RFX3: variants seen among roughly 807,000 people sequenced by gnomAD.
RFX3 encodes the protein transcription factor RFX3.
A neutral mutation model predicts 98.6 loss-of-function variants in RFX3; 14 were observed. The ratio of observed to expected loss-of-function variants is 0.14; its 90% CI spans 0.09 to 0.22. The LOEUF (loss-of-function observed/expected upper bound fraction) is 0.22, where lower values mean the gene tolerates loss of function less well. Among genes scored for constraint, RFX3 ranks in the 10% least tolerant of loss-of-function variants. The pLI is 1.00. For synonymous variants in RFX3, 383 were observed against 328.4 expected (o/e 1.17, Z -1.80); for missense variants, 639 against 926.9 (o/e 0.69, Z 4.03).
In RFX3 at chr9:3,458,070, A is replaced by T. The variant is rs1587736470; in HGVS notation, c.-8-62474T>A. Among the ~76,000 whole-genome samples the T allele has an allele frequency of 2.6e-5, 4 of 152,336 alleles. No individual in the cohort carries two copies. In the Middle Eastern group the frequency reaches 0.014, roughly 522 times the overall value. Reference sequence around the variant, plus strand: ...GAAGACTGGAAGTATCCTAGGGAACAGCATGTGCAAAGCCATGGCAATATA... The same window carrying T: ...GAAGACTGGAAGTATCCTAGGGAACTGCATGTGCAAAGCCATGGCAATATA... On this transcript the variant is annotated intron_variant, in intron 1 of 16. Coordinates refer to ENST00000617270, the MANE Select transcript of RFX3 (RefSeq NM_001282116.2).
rs775002514 is a variant in RFX3 at position 3,277,507 on chromosome 9, T to C, written c.852-46A>G. 13 of 1,564,762 alleles carry C rather than the reference T, an allele frequency of 8.3e-6. No homozygotes were observed. The South Asian group carries it at 1.3e-4, about 16-fold the overall frequency. On this transcript the variant is annotated intron_variant, in intron 7 of 16. Coordinates refer to ENST00000617270, the MANE Select transcript of RFX3 (RefSeq NM_001282116.2). ...AAAACAAATAAACCAAATTATTCCT[T>C]GCTTTTTTGTACTACCCGAAACTCC...
chr9:3,460,811 C>G (rs1847618203), intron 1 of RFX3, among the ~76,000 whole-genome samples: 1 of 151,526 alleles, frequency 6.6e-6, no homozygotes, highest in African/African-American at 2.4e-5. Flanking sequence ...ATACATGCTT[C>G]TATTTCTACA....
chr9:3,282,674 A>G (rs373524803), intron 7 of RFX3, among the ~76,000 whole-genome samples: 2 of 151,908 alleles, frequency 1.3e-5, no homozygotes, highest in East Asian at 3.9e-4. Flanking sequence ...GGTTAGCTGT[A>G]TAGAACTGAT....
At chr9:3,424,402 C>T (rs1212482020) in intron 1 of RFX3, among the ~76,000 whole-genome samples, 97 of 127,328 alleles carry the variant, frequency 7.6e-4, no homozygotes, top group Non-Finnish European at 1.2e-3. Context: ...CGCTCTGTCG[C>T]CCAGGCTGGA....
At chr9:3,417,838 A>T (rs997638814) in intron 1 of RFX3, among the ~76,000 whole-genome samples, 3 of 152,178 alleles carry the variant, frequency 2.0e-5, no homozygotes, top group African/African-American at 7.2e-5. Context: ...TCACATAAAA[A>T]ACAGTTCCGG....
At chr9:3,521,376 A>G (rs1290982242) in intron 1 of RFX3, among the ~76,000 whole-genome samples, 1 of 152,184 alleles carries the variant, frequency 6.6e-6, no homozygotes, top group Non-Finnish European at 1.5e-5. Context: ...TTAAGATAGT[A>G]TGTTAAACTC....
intron 15 of RFX3, among the ~76,000 whole-genome samples, chr9:3,230,185 C>A (rs1376712090): frequency 1.3e-5 from 2 of 152,120 alleles, no homozygotes; most frequent in Non-Finnish European, 2.9e-5. Flanking sequence ...GTCATTTCAC[C>A]TTTATTTCTT....
intron 6 of RFX3, 96 bp from the exon 7 acceptor site, chr9:3,288,346 G>A: frequency 9.7e-7 from 1 of 1,034,422 alleles, no homozygotes; most frequent in South Asian, 1.4e-5. Context: ...GGAAAAATTT[G>A]GTAAAAACAG....
At chr9:3,272,356 A>G (rs1824607583) in intron 9 of RFX3, among the ~76,000 whole-genome samples, 1 of 152,218 alleles carries the variant, frequency 6.6e-6, no homozygotes, top group Non-Finnish European at 1.5e-5. Context: ...GGCAAAAACA[A>G]CAAACCATAA....
intron 5 of RFX3, among the ~76,000 whole-genome samples, chr9:3,301,307 G>A (rs1047393084): frequency 5.3e-5 from 8 of 151,684 alleles, no homozygotes; most frequent in East Asian, 1.9e-4. Flanking sequence ...TTACTAACTC[G>A]AAAATATTAT....
chr9:3,479,313 C>T (rs1388870536), intron 1 of RFX3, among the ~76,000 whole-genome samples: 1 of 152,040 alleles, frequency 6.6e-6, no homozygotes, highest in Non-Finnish European at 1.5e-5. Context: ...CTCACTCCAC[C>T]ATTCTGGAAG....
chr9:3,492,013 A>G (rs1850757910), intron 1 of RFX3, among the ~76,000 whole-genome samples: 1 of 152,134 alleles, frequency 6.6e-6, no homozygotes, highest in South Asian at 2.1e-4. Context: ...GTTTCTTTCT[A>G]TATTCTACAA....
intron 4 of RFX3, among the ~76,000 whole-genome samples, chr9:3,302,117 T>C (rs990123139): frequency 1.3e-5 from 2 of 151,852 alleles, no homozygotes; most frequent in Admixed American, 1.3e-4. Context: ...AGTTACTAAA[T>C]CCATACATCC....
intron 15 of RFX3, among the ~76,000 whole-genome samples, chr9:3,232,804 T>G (rs1289818679): frequency 1.2e-3 from 116 of 96,184 alleles, no homozygotes; most frequent in East Asian, 2.0e-3. Context: ...GAGAGAGAAA[T>G]GGGATGGGAT....
chr9:3,470,669 T>C (rs1848701561), intron 1 of RFX3, among the ~76,000 whole-genome samples: 1 of 151,936 alleles, frequency 6.6e-6, no homozygotes, highest in South Asian at 2.1e-4. Flanking sequence ...AGCTCCAGAG[T>C]TCTTCTCTGA....
rs1817215710 is a variant in RFX3, at chr9:3,219,130, A to C, written c.*5912T>G. On this transcript the variant is annotated 3_prime_UTR_variant, in exon 17 of 17. Transcript: ENST00000617270. ...ACCATAGGTCCAAATTGATGATGGA[A>C]ATGAGTAGAGAAAAAAATTTGCTTT... The C allele has an allele frequency of 6.6e-6, 1 of 152,188 alleles. No individual in the cohort carries two copies. Among genetic ancestry groups the C allele is most frequent in the African/African-American group, 2.4e-5 (1 of 41,442 alleles). 9.4% of individuals were successfully genotyped at this position (152,188 alleles called of 1,614,324 possible).
At chr9:3,300,815 C>A (rs892614292) in intron 5 of RFX3, among the ~76,000 whole-genome samples, 1 of 151,804 alleles carries the variant, frequency 6.6e-6, no homozygotes, top group African/African-American at 2.4e-5. Context: ...TCATTGGTTT[C>A]CCACATGAGA....
intron 1 of RFX3, among the ~76,000 whole-genome samples, chr9:3,440,405 A>T (rs1335375334): frequency 6.6e-6 from 1 of 152,138 alleles, no homozygotes; most frequent in Non-Finnish European, 1.5e-5. Flanking sequence ...TGCAAGATAC[A>T]AAATCAATAT....
chr9:3,454,408 CT>C (rs1017372182), intron 1 of RFX3, among the ~76,000 whole-genome samples: 31 of 152,110 alleles, frequency 2.0e-4, no homozygotes, highest in African/African-American at 7.5e-4. Context: ...TAATTCTTTG[CT>C]TTAGATTTTG....
Sources: allele counts gnomAD v4.1 joint callset (sites outside exome capture counted in the v4.1 genomes callset), GRCh38; gene constraint gnomAD v4.1.1; transcripts MANE v1.5; gene names NCBI Gene and HGNC (gene_info 2026-07-23, HGNC 2026-07-21).